The following PALM2AKAP2 variants were observed in gnomAD, a reference collection of about 807,000 sequenced individuals.
The protein encoded by PALM2AKAP2 is PALM2 and AKAP2 fusion, also known as PALM2-AKAP2 fusion protein.
Under a neutral mutation model 71.5 loss-of-function variants are expected in PALM2AKAP2, and 37 were observed. The observed-to-expected ratio is 0.52, with a 90% confidence interval of 0.40 to 0.68. The LOEUF (loss-of-function observed/expected upper bound fraction) is 0.68. Ranked by LOEUF, PALM2AKAP2 falls within the 30% of genes least tolerant of loss-of-function variation. The pLI, the probability that PALM2AKAP2 is intolerant of heterozygous loss-of-function variation, is 0.00. For missense variants in PALM2AKAP2, 1,224 were observed against 1,191.8 expected, an observed-to-expected ratio of 1.03 and a Z score of -0.40; for synonymous variants, 468 against 478.8, an observed-to-expected ratio of 0.98 and a Z score of 0.29.
At chr9:109,859,104 T>A (rs974206252) in intron 1 of PALM2AKAP2, among the ~76,000 whole-genome samples, 1 of 152,192 alleles carries the variant, frequency 6.6e-6, no homozygotes, top group Non-Finnish European at 1.5e-5. Flanking sequence ...TTCTATGGGA[T>A]GTTTCTTAAG....
intron 6 of PALM2AKAP2, among the ~76,000 whole-genome samples, chr9:109,952,514 T>C (rs13293760): frequency 2.0e-5 from 3 of 152,230 alleles, no homozygotes; most frequent in Non-Finnish European, 4.4e-5. Flanking sequence ...TGGTGTTTTA[T>C]AGATTGCTCA....
At chr9:109,643,071 G>GAAAGAGAA (rs1554702601) in intron 1 of PALM2AKAP2, among the ~76,000 whole-genome samples, 1 of 149,874 alleles carries the variant, frequency 6.7e-6, no homozygotes. Context: ...AAGAAAGAAA[G>GAAAGAGAA]AGAAAGAAAG....
At chr9:110,057,853 A>T (rs918495529) in intron 1 of PALM2AKAP2, among the ~76,000 whole-genome samples, 1 of 152,198 alleles carries the variant, frequency 6.6e-6, no homozygotes, top group African/African-American at 2.4e-5. Context: ...AGTCCTGAGC[A>T]TGTTACTGTG....
chr9:109,946,769 G>A (rs554222816), intron 6 of PALM2AKAP2: 1 of 151,248 alleles, frequency 6.6e-6, no homozygotes, highest in African/African-American at 2.4e-5. Flanking sequence ...AGGAAAAGGG[G>A]GGGTATCTCA....
chr9:109,942,555 C>CT, intron 6 of PALM2AKAP2: 1 of 1,011,478 alleles, frequency 9.9e-7, no homozygotes, highest in Non-Finnish European at 1.4e-6. Context: ...GCACCTCACT[C>CT]TAACACTCAA....
chr9:110,137,906 G>A lies in PALM2AKAP2; in HGVS notation c.1936G>A (p.Gly646Arg), dbSNP rs201192229. The A allele has an allele frequency of 5.1e-5, 82 of 1,614,014 alleles. No homozygotes were observed. The highest frequency in any genetic ancestry group is 1.3e-4 in the Admixed American group (8 of 60,000). ...TTTCTATTCCCCTTCCTCCACGCTG[G>A]GGGACTCTCCGTTGGTTGATGACCC... Residue 646 changes from glycine (G) to arginine (R), a missense_variant, in exon 2 of 4, where the codon GGG becomes AGG. Gly to Arg is a moderately radical substitution (Grantham distance 125). Coordinates refer to ENST00000374525, the Ensembl canonical transcript of PALM2AKAP2.
intron 1 of PALM2AKAP2, among the ~76,000 whole-genome samples, chr9:109,810,920 T>C (rs1245683116): frequency 6.6e-6 from 1 of 152,102 alleles, no homozygotes; most frequent in Admixed American, 6.5e-5. Context: ...GGTGGCTTGG[T>C]CTGTGGATGA....
chr9:109,702,594 G>T (rs1209539105), intron 1 of PALM2AKAP2, among the ~76,000 whole-genome samples: 2 of 151,338 alleles, frequency 1.3e-5, no homozygotes, highest in Non-Finnish European at 2.9e-5. Flanking sequence ...GCCTGTTGTG[G>T]GGGTGGGGGT....
At chr9:109,872,762 C>T (rs1829634599) in intron 2 of PALM2AKAP2, among the ~76,000 whole-genome samples, 1 of 152,168 alleles carries the variant, frequency 6.6e-6, no homozygotes, top group South Asian at 2.1e-4. Flanking sequence ...AAAGATATTA[C>T]AGTGTCTTTC....
At chr9:109,819,228 T>G (rs1564163097) in intron 1 of PALM2AKAP2, among the ~76,000 whole-genome samples, 1 of 152,244 alleles carries the variant, frequency 6.6e-6, no homozygotes, top group African/African-American at 2.4e-5. Context: ...AGTTTAATTC[T>G]GAGTTATTCA....
At chr9:109,765,412 C>A (rs1449038115) in intron 1 of PALM2AKAP2, 1 of 153,300 alleles carries the variant, frequency 6.5e-6, no homozygotes, top group Non-Finnish European at 1.5e-5. Context: ...AGTAATGTTA[C>A]CTGCAGTCAT....
At chr9:109,762,465 G>A (rs1829070637) in intron 1 of PALM2AKAP2, among the ~76,000 whole-genome samples, 1 of 152,116 alleles carries the variant, frequency 6.6e-6, no homozygotes, top group Admixed American at 6.5e-5. Context: ...TAGATGTGTA[G>A]GGCAGTATAG....
At chr9:109,910,993 G>A (rs546605416) in intron 3 of PALM2AKAP2, among the ~76,000 whole-genome samples, 12 of 152,294 alleles carry the variant, frequency 7.9e-5, no homozygotes, top group Admixed American at 2.6e-4. Context: ...CAGGAAGGAG[G>A]CATCTTGGAG....
chr9:110,133,622 T>C (rs1044708036), intron 1 of PALM2AKAP2, among the ~76,000 whole-genome samples: 2 of 152,216 alleles, frequency 1.3e-5, no homozygotes, highest in Admixed American at 6.5e-5. Flanking sequence ...TCTAACCATA[T>C]TTCAGTCCTA....
intron 6 of PALM2AKAP2, among the ~76,000 whole-genome samples, chr9:109,998,214 T>C (rs1489982686): frequency 1.3e-5 from 2 of 152,120 alleles, no homozygotes; most frequent in African/African-American, 4.8e-5. Context: ...AGAAGTCTGG[T>C]TTAGGAAAAG....
intron 6 of PALM2AKAP2, among the ~76,000 whole-genome samples, chr9:109,953,549 C>T (rs998740751): frequency 2.2e-4 from 33 of 152,086 alleles, no homozygotes; most frequent in Middle Eastern, 6.8e-3. Flanking sequence ...GGAGGCCGGG[C>T]GCTGGAGGCC....
chr9:110,098,828 C>T (rs1282552194), intron 1 of PALM2AKAP2, among the ~76,000 whole-genome samples: 4 of 152,194 alleles, frequency 2.6e-5, no homozygotes, highest in East Asian at 1.9e-4. Context: ...CTCATTTCCA[C>T]GCACCTCCAC....
chr9:109,996,306 C>T (rs765498686), intron 6 of PALM2AKAP2, among the ~76,000 whole-genome samples: 26 of 152,124 alleles, frequency 1.7e-4, no homozygotes, highest in Non-Finnish European at 3.1e-4. Flanking sequence ...AAAGGGGCCC[C>T]ACTGAATGGT....
At chr9:109,749,470 T>G (rs1828853370) in intron 1 of PALM2AKAP2, among the ~76,000 whole-genome samples, 1 of 151,066 alleles carries the variant, frequency 6.6e-6, no homozygotes, top group Non-Finnish European at 1.5e-5. Context: ...TTTTCTTACC[T>G]AAGAAATGTT....
Sources: allele counts gnomAD v4.1 joint callset (sites outside exome capture counted in the v4.1 genomes callset), GRCh38; gene constraint gnomAD v4.1.1; transcripts MANE v1.5; gene names NCBI Gene and HGNC (gene_info 2026-07-23, HGNC 2026-07-21).